Variants in TMOD3 observed in about 807,000 individuals in gnomAD.
TMOD3 encodes tropomodulin-3.
TMOD3 carries 20 observed loss-of-function variants against 39.2 expected under a neutral mutation model. That is an observed-to-expected ratio of 0.51 (90% confidence interval 0.36 to 0.74). The LOEUF (loss-of-function observed/expected upper bound fraction) is 0.74, where lower values mean the gene tolerates loss of function less well. Ranked by LOEUF, TMOD3 falls within the 30% of genes least tolerant of loss-of-function variation. TMOD3 has a pLI of 0.00. For synonymous variants in TMOD3, 143 were observed against 145.8 expected (o/e 0.98, Z 0.14); for missense variants, 381 against 412.8 (o/e 0.92, Z 0.67).
chr15:51,878,035 A>G (rs1382926832), intron 3 of TMOD3, among the ~76,000 whole-genome samples: 1 of 152,128 alleles, frequency 6.6e-6, no homozygotes, highest in African/African-American at 2.4e-5. Flanking sequence ...CTATCCTTCA[A>G]ACACTGGCTG....
Position 51,832,203 on chromosome 15 carries a change from TTATATATATATATATATATA to T in TMOD3, c.-75+2377_-75+2396del, listed in dbSNP as rs3985812. 2.2e-3 allele frequency among the ~76,000 whole-genome samples: 176 copies of T among 79,334 alleles called. 5 individuals carry two copies. The highest frequency in any genetic ancestry group is 7.1e-3 in the African/African-American group (173 of 24,360). 52.0% of individuals were successfully genotyped at this position (79,334 alleles called of 152,430 possible). On this transcript the variant is annotated intron_variant, in intron 1 of 9. Coordinates refer to ENST00000308580, the MANE Select transcript of TMOD3 (RefSeq NM_014547.5). ...TGTCTCTCTAAAAAAAGAAAAAAAA[TTATATATATATATATATATA>T]TATATATATGAATGACATGGTTCCT...
chr15:51,843,804 G>GTA (rs2056323535), intron 1 of TMOD3, among the ~76,000 whole-genome samples: 1 of 151,790 alleles, frequency 6.6e-6, no homozygotes, highest in Non-Finnish European at 1.5e-5. Context: ...AATTAAATAG[G>GTA]GCCTTTGGTC....
intron 1 of TMOD3, chr15:51,860,245 G>T (rs375167057): frequency 3.9e-6 from 2 of 508,308 alleles, no homozygotes; most frequent in South Asian, 1.5e-5. Flanking sequence ...AAGTCAAATC[G>T]CTGTGCAGTT....
rs1262251744 is a variant in TMOD3 at position 51,912,461 on chromosome 15, G to T, written c.*3651G>T. The T allele has an allele frequency of 4.0e-5, 6 of 149,912 alleles. No individual in the cohort carries two copies. Among genetic ancestry groups the T allele is most frequent in the Non-Finnish European group, 7.4e-5 (5 of 67,654 alleles). The allele number at this position is 149,912 out of a possible 1,614,324, so 9.3% of individuals were successfully genotyped here. ...AAAAATTTTTTTTTTTTTATAAAAT[G>T]TTACTCATATCATATTGTACGTTAT... is the stretch of plus-strand genomic sequence containing the variant. On this transcript the variant is annotated 3_prime_UTR_variant, in exon 10 of 10. Coordinates refer to ENST00000308580, the MANE Select transcript of TMOD3 (RefSeq NM_014547.5).
chr15:51,871,396 A>G (rs1031447956), intron 3 of TMOD3, among the ~76,000 whole-genome samples: 1 of 152,202 alleles, frequency 6.6e-6, no homozygotes, highest in African/African-American at 2.4e-5. Context: ...ATACTGGTTG[A>G]TCACCTTCTG....
chr15:51,886,604 G>A (rs187611001), intron 3 of TMOD3, among the ~76,000 whole-genome samples: 6 of 152,110 alleles, frequency 3.9e-5, no homozygotes, highest in Non-Finnish European at 8.8e-5. Flanking sequence ...GCAGTGAGCC[G>A]AGATGGCAGC....
At chr15:51,863,944 A>G (rs1040586464) in intron 2 of TMOD3, among the ~76,000 whole-genome samples, 11 of 152,160 alleles carry the variant, frequency 7.2e-5, no homozygotes, top group African/African-American at 2.4e-4. Context: ...AGGCAGTTCA[A>G]TCTATTAGAC....
intron 1 of TMOD3, among the ~76,000 whole-genome samples, chr15:51,855,825 TC>T: frequency 6.6e-6 from 1 of 152,304 alleles, no homozygotes; most frequent in East Asian, 1.9e-4. Context: ...TTCCAGAACT[TC>T]CCTTCCTAAG....
At chr15:51,885,986 G>A (rs1310988528) in intron 3 of TMOD3, among the ~76,000 whole-genome samples, 2 of 150,722 alleles carry the variant, frequency 1.3e-5, no homozygotes, top group African/African-American at 2.4e-5. Flanking sequence ...CCTCCCGGAC[G>A]GGGCGGCTGG....
At chr15:51,893,609 C>CA (rs2056605743) in intron 5 of TMOD3, among the ~76,000 whole-genome samples, 2 of 151,898 alleles carry the variant, frequency 1.3e-5, no homozygotes, top group Middle Eastern at 3.4e-3. Context: ...ACTAAAAATA[C>CA]AAAAAATTAG....
At chr15:51,839,975 A>T (rs1393719830) in intron 1 of TMOD3, among the ~76,000 whole-genome samples, 1 of 152,170 alleles carries the variant, frequency 6.6e-6, no homozygotes, top group Non-Finnish European at 1.5e-5. Context: ...CTCAATGCTT[A>T]CTGAGTCCCC....
At chr15:51,876,179 GT>G (rs1031808656) in intron 3 of TMOD3, among the ~76,000 whole-genome samples, 3 of 151,842 alleles carry the variant, frequency 2.0e-5, no homozygotes, top group Admixed American at 6.6e-5. Flanking sequence ...TGTTGTTGTT[GT>G]TTGTAAGAGA....
At chr15:51,854,677 A>G (rs1009514895) in intron 1 of TMOD3, among the ~76,000 whole-genome samples, 1 of 152,198 alleles carries the variant, frequency 6.6e-6, no homozygotes, top group African/African-American at 2.4e-5. Context: ...AAAGGAAAAA[A>G]GCTGTCGGGC....
chr15:51,907,020 CAAAAAAAA>C (rs11419380), intron 9 of TMOD3, among the ~76,000 whole-genome samples: 3 of 116,042 alleles, frequency 2.6e-5, no homozygotes, highest in African/African-American at 6.5e-5. Context: ...AACTCCGTCT[CAAAAAAAA>C]AAAAAAAAAG....
intron 1 of TMOD3, chr15:51,860,006 A>T: frequency 1.8e-6 from 1 of 542,104 alleles, no homozygotes; most frequent in Non-Finnish European, 3.7e-6. Context: ...ACACTTCCAC[A>T]TGGCCTCCCT....
chr15:51,852,938 C>T (rs989131094), intron 1 of TMOD3, among the ~76,000 whole-genome samples: 51 of 152,288 alleles, frequency 3.3e-4, no homozygotes, highest in African/African-American at 1.2e-3. Context: ...GGCCAGCCAG[C>T]TCTGGGATAG....
At chr15:51,885,601 T>C (rs943438879) in intron 3 of TMOD3, among the ~76,000 whole-genome samples, 10 of 152,078 alleles carry the variant, frequency 6.6e-5, no homozygotes, top group South Asian at 2.1e-4. Flanking sequence ...GAACACGGGG[T>C]TGGGGGCAAG....
At chr15:51,878,376 A>ATATGTGTGTG (rs112690572) in intron 3 of TMOD3, among the ~76,000 whole-genome samples, 1 of 147,318 alleles carries the variant, frequency 6.8e-6, no homozygotes, top group South Asian at 2.2e-4. Context: ...TTTAAAATAT[A>ATATGTGTGTG]TGTGTGTGTG....
chr15:51,881,560 T>C (rs1395217973), intron 3 of TMOD3, among the ~76,000 whole-genome samples: 2 of 135,690 alleles, frequency 1.5e-5, no homozygotes, highest in East Asian at 2.1e-4. Flanking sequence ...CTTTTTTTTT[T>C]TTTTTTTTTT....
Sources: allele counts gnomAD v4.1 joint callset (sites outside exome capture counted in the v4.1 genomes callset), GRCh38; gene constraint gnomAD v4.1.1; transcripts MANE v1.5; gene names NCBI Gene and HGNC (gene_info 2026-07-23, HGNC 2026-07-21).